The following SENP7 variants were observed in gnomAD, a reference collection of about 807,000 sequenced individuals.
The protein encoded by SENP7 is sentrin-specific protease 7.
A neutral mutation model predicts 141.2 loss-of-function variants in SENP7; 64 were observed. The observed-to-expected ratio is 0.45, with a 90% confidence interval of 0.37 to 0.56. The LOEUF (loss-of-function observed/expected upper bound fraction) is 0.56, where lower values mean the gene tolerates loss of function less well. SENP7 is among the 20% of genes least tolerant of loss of function. The pLI, the probability that SENP7 is intolerant of heterozygous loss-of-function variation, is 0.00. For synonymous variants in SENP7, 382 were observed against 426.4 expected (o/e 0.90, Z 1.28); for missense variants, 1,025 against 1,212.2 (o/e 0.85, Z 2.29).
intron 19 of SENP7, 79 bp downstream of exon 19, chr3:101,331,906 G>A (rs1247819705): frequency 1.5e-5 from 22 of 1,434,834 alleles, no homozygotes; most frequent in Admixed American, 9.0e-5. Flanking sequence ...CTATACTACC[G>A]TTAACTTCAT....
intron 11 of SENP7, among the ~76,000 whole-genome samples, chr3:101,360,841 G>C (rs2059877098): frequency 6.6e-6 from 1 of 152,150 alleles, no homozygotes; most frequent in Admixed American, 6.5e-5. Flanking sequence ...AAAGTTTCCT[G>C]GAAGAGTCAG....
chr3:101,331,470 TAA>T (rs56780926), intron 19 of SENP7, among the ~76,000 whole-genome samples: 3 of 137,322 alleles, frequency 2.2e-5, no homozygotes, highest in Non-Finnish European at 3.1e-5. Flanking sequence ...CAACGTCTCT[TAA>T]AAAAAAAAAA....
At chr3:101,388,965 A>C (rs1281355743) in intron 6 of SENP7, among the ~76,000 whole-genome samples, 2 of 152,082 alleles carry the variant, frequency 1.3e-5, no homozygotes, top group Non-Finnish European at 2.9e-5. Context: ...AAAAGAATTA[A>C]AAAATGAAGA....
chr3:101,355,350 C>T (rs190969170), intron 11 of SENP7, among the ~76,000 whole-genome samples: 17 of 152,244 alleles, frequency 1.1e-4, no homozygotes, highest in Admixed American at 5.9e-4. Context: ...TTGGGTTTCA[C>T]ATTTAAGTCT....
chr3:101,348,171 T>C, intron 12 of SENP7, 120 bp from the exon 13 acceptor site: 1 of 523,266 alleles, frequency 1.9e-6, no homozygotes, highest in Non-Finnish European at 3.0e-6. Context: ...TTATATAGTT[T>C]TTTCAAAAAT....
chr3:101,384,101 A>C lies in SENP7; in HGVS notation c.678-11975T>G, dbSNP rs185115220. ...AGCTACCCACTGTGGGTCCCCTCTC[A>C]GCTGAGAGCTGTATACTCGACAGGA... is the stretch of plus-strand genomic sequence containing the variant. On this transcript the variant is annotated intron_variant, in intron 6 of 23. Coordinates refer to ENST00000394095, the MANE Select transcript of SENP7 (RefSeq NM_020654.5). 2.1e-4 allele frequency among the ~76,000 whole-genome samples: 32 copies of C among 152,372 alleles called. No homozygotes were observed. The East Asian group carries it at 5.8e-3, about 28-fold the overall frequency.
In SENP7 at chr3:101,372,065, C is replaced by T. The variant is rs1412837121; in HGVS notation, c.739G>A (p.Glu247Lys). The T allele has an allele frequency of 6.4e-7, 1 of 1,568,604 alleles. No individual in the cohort carries two copies. Among genetic ancestry groups the T allele is most frequent in the African/African-American group, 1.3e-5 (1 of 74,484 alleles). The change falls in exon 7 of 24, where the codon GAA becomes AAA. Residue 247 changes from glutamate (E) to lysine (K), a missense_variant. Around this residue, in one of 4 missense-constraint regions of SENP7, gnomAD observed 496 missense variants for 503.5 expected, o/e 0.99. Transcript: ENST00000394095. ...ATGCCATCATCCTTTCTTCGTTTTTCTTTATTGTGCGCAGTCTGCTTTGCA... is the reference window on the plus strand; with the variant it reads ...ATGCCATCATCCTTTCTTCGTTTTTTTTTATTGTGCGCAGTCTGCTTTGCA... ...NSAKQTAHNK[E>K]KRRKDDGISL...
In SENP7 at chr3:101,479,921, A is replaced by AACACACAC. The variant is rs1553751527; in HGVS notation, c.186+13944_186+13951dup. Among the ~76,000 whole-genome samples, 82 of 72,562 alleles carry AACACACAC rather than the reference A, an allele frequency of 1.1e-3. 2 individuals are homozygous for AACACACAC. The highest frequency in any genetic ancestry group is 3.9e-3 in the South Asian group (8 of 2,034). 47.6% of individuals were successfully genotyped at this position (72,562 alleles called of 152,430 possible). ...AAAAAAAAAAAAAAAAAAAAAAAAAAACACACACACACACACACAAACAAA... is the reference window on the plus strand; with the variant it reads ...AAAAAAAAAAAAAAAAAAAAAAAAAAACACACACACACACACACACACACACAAACAAA... On this transcript the variant is annotated intron_variant, in intron 3 of 23. Transcript: ENST00000394095.
At chr3:101,466,095 C>A (rs1380110519) in intron 3 of SENP7, among the ~76,000 whole-genome samples, 4 of 151,618 alleles carry the variant, frequency 2.6e-5, no homozygotes, top group Non-Finnish European at 1.5e-5. Flanking sequence ...CAGTAAAAAA[C>A]AACTTTAAAA....
intron 5 of SENP7, among the ~76,000 whole-genome samples, chr3:101,410,584 C>T (rs533587690): frequency 2.0e-5 from 3 of 152,286 alleles, no homozygotes; most frequent in Non-Finnish European, 4.4e-5. Flanking sequence ...CAGTGGCTGA[C>T]GCCTGTAATC....
At chr3:101,380,442 C>CG (rs912899502) in intron 6 of SENP7, among the ~76,000 whole-genome samples, 6 of 106,312 alleles carry the variant, frequency 5.6e-5, no homozygotes, top group African/African-American at 1.2e-4. Context: ...ACCGCCCCCC[C>CG]CCCCACACAC....
intron 14 of SENP7, among the ~76,000 whole-genome samples, 155 bp from the exon 15 acceptor site, chr3:101,341,934 T>C (rs551147355): frequency 6.6e-6 from 1 of 152,266 alleles, no homozygotes; most frequent in Admixed American, 6.5e-5. Context: ...CAAACCAAAA[T>C]AATACTGGTG....
chr3:101,393,628 A>T (rs2682384), intron 6 of SENP7, among the ~76,000 whole-genome samples: 8 of 152,064 alleles, frequency 5.3e-5, no homozygotes, highest in Non-Finnish European at 5.9e-5. Flanking sequence ...TAAATGTCTT[A>T]GTCTGTTTCG....
chr3:101,496,284 C>T (rs2065155551), intron 2 of SENP7, among the ~76,000 whole-genome samples: 1 of 152,132 alleles, frequency 6.6e-6, no homozygotes, highest in African/African-American at 2.4e-5. Context: ...GAGACAGGGT[C>T]TCGCTCTGTC....
chr3:101,410,426 G>A (rs2061422108), intron 5 of SENP7, among the ~76,000 whole-genome samples: 1 of 152,154 alleles, frequency 6.6e-6, no homozygotes, highest in South Asian at 2.1e-4. Context: ...CCCACTCCTG[G>A]ATATCTACCC....
Position 101,448,587 on chromosome 3 carries a change from G to A in SENP7, c.284+10368C>T, listed in dbSNP as rs554021662. On this transcript the variant is annotated intron_variant, in intron 4 of 23. Coordinates refer to ENST00000394095, the MANE Select transcript of SENP7 (RefSeq NM_020654.5). ...GGAAGTTTTGTCTCAGAGAGTAAGC[G>A]GCTGTGTGAGGTGTCAGTCTGCCCC... Among the ~76,000 whole-genome samples the A allele has an allele frequency of 7.5e-3, 1,134 of 152,124 alleles. 9 individuals carry two copies. Among genetic ancestry groups the A allele is most frequent in the Non-Finnish European group, 0.011 (775 of 68,000 alleles).
intron 1 of SENP7, among the ~76,000 whole-genome samples, chr3:101,504,704 C>T (rs2065524858): frequency 6.6e-6 from 1 of 152,176 alleles, no homozygotes; most frequent in Non-Finnish European, 1.5e-5. Context: ...TTTACAGTAA[C>T]ACAGAACTGG....
At chr3:101,391,668 A>G (rs2060820729) in intron 6 of SENP7, among the ~76,000 whole-genome samples, 1 of 152,176 alleles carries the variant, frequency 6.6e-6, no homozygotes, top group Admixed American at 6.5e-5. Context: ...TATAGAGAGG[A>G]ACTAACACCA....
intron 16 of SENP7, among the ~76,000 whole-genome samples, chr3:101,339,823 A>C (rs1252190818): frequency 1.3e-5 from 2 of 152,224 alleles, no homozygotes; most frequent in Non-Finnish European, 2.9e-5. Context: ...ACCATAATAC[A>C]ATAGTTAAAG....
Sources: allele counts gnomAD v4.1 joint callset (sites outside exome capture counted in the v4.1 genomes callset), GRCh38; gene constraint gnomAD v4.1.1; regional missense constraint gnomAD v4.1.1; transcripts MANE v1.5; gene names NCBI Gene and HGNC (gene_info 2026-07-23, HGNC 2026-07-21).